THSD4: variants seen among roughly 807,000 people sequenced by gnomAD.
The protein encoded by THSD4 is thrombospondin type-1 domain-containing protein 4.
Under a neutral mutation model 119.0 loss-of-function variants are expected in THSD4, and 69 were observed. That is an observed-to-expected ratio of 0.58 (90% CI 0.48 to 0.71). THSD4 has a LOEUF of 0.71. Among genes scored for constraint, THSD4 ranks in the 30% least tolerant of loss-of-function variants. THSD4 has a pLI of 0.00. For missense variants in THSD4, 1,393 were observed against 1,391.1 expected (o/e 1.00, Z -0.02); for synonymous variants, 524 against 540.4 (o/e 0.97, Z 0.42).
chr15:71,446,362 A>G (rs961267626), intron 7 of THSD4, among the ~76,000 whole-genome samples: 3 of 152,222 alleles, frequency 2.0e-5, no homozygotes, highest in African/African-American at 7.2e-5. Flanking sequence ...TAAAATAGGA[A>G]TCAAAATGTG....
At chr15:71,124,615 G>T (rs1453918997) in intron 1 of THSD4, among the ~76,000 whole-genome samples, 1 of 152,126 alleles carries the variant, frequency 6.6e-6, no homozygotes, top group Admixed American at 6.5e-5. Flanking sequence ...AACATAGGCG[G>T]TTCCTTTAAT....
intron 2 of THSD4, among the ~76,000 whole-genome samples, chr15:71,146,525 A>G (rs1455559767): frequency 6.6e-6 from 1 of 151,902 alleles, no homozygotes; most frequent in Admixed American, 6.6e-5. Flanking sequence ...TGTAGAAACA[A>G]CTAACAAATG....
rs558244172 is a variant in THSD4, at chr15:71,639,538, G to A, written c.1153-20992G>A. Among the ~76,000 whole-genome samples the A allele has an allele frequency of 2.0e-5, 3 of 152,242 alleles. No individual in the cohort carries two copies. In the South Asian group the frequency reaches 6.2e-4, roughly 32 times the overall value. On this transcript the variant is annotated intron_variant, in intron 7 of 17. Transcript: ENST00000261862. Reference sequence around the variant, plus strand: ...GTCGTAAGAATTTTACTTAATTCAAGAATTATTCTCACTGAATATGTGCCA... The same window carrying A: ...GTCGTAAGAATTTTACTTAATTCAAAAATTATTCTCACTGAATATGTGCCA...
intron 1 of THSD4, among the ~76,000 whole-genome samples, chr15:71,126,084 G>A (rs1375371678): frequency 6.6e-6 from 1 of 152,210 alleles, no homozygotes; most frequent in Non-Finnish European, 1.5e-5. Flanking sequence ...TGGGCGTTGA[G>A]CCCCAGCTTT....
At chr15:71,529,867 GACGTAATAA>G (rs1371938145) in intron 7 of THSD4, among the ~76,000 whole-genome samples, 1 of 152,152 alleles carries the variant, frequency 6.6e-6, no homozygotes, top group East Asian at 1.9e-4. Context: ...CCTAATGCCT[GACGTAATAA>G]ATATTAAAAC....
At chr15:71,749,667 CT>C (rs889875730) in intron 14 of THSD4, among the ~76,000 whole-genome samples, 12 of 133,626 alleles carry the variant, frequency 9.0e-5, no homozygotes, top group African/African-American at 3.2e-4. Flanking sequence ...TATTTTCTTT[CT>C]TTTTTTTAAT....
intron 7 of THSD4, among the ~76,000 whole-genome samples, chr15:71,640,424 T>G (rs16955924): frequency 0.11 from 16,540 of 152,072 alleles, 986 homozygotes; most frequent in East Asian, 0.21. Flanking sequence ...GAGGGCCAAC[T>G]GTGGCAAATC....
chr15:71,634,976 G>GTTTGCCATTT (rs2050711766), intron 7 of THSD4, among the ~76,000 whole-genome samples: 2 of 152,298 alleles, frequency 1.3e-5, no homozygotes, highest in South Asian at 4.2e-4. Flanking sequence ...GTTTGCCATT[G>GTTTGCCATTT]TTTGCACACA....
chr15:71,613,841 T>C (rs1253219844), intron 7 of THSD4, among the ~76,000 whole-genome samples: 3 of 152,220 alleles, frequency 2.0e-5, no homozygotes, highest in Admixed American at 1.3e-4. Flanking sequence ...CCTCCTTTTA[T>C]GTGGGGTATA....
chr15:71,525,642 T>A (rs1181321850), intron 7 of THSD4, among the ~76,000 whole-genome samples: 2 of 152,270 alleles, frequency 1.3e-5, no homozygotes, highest in Admixed American at 1.3e-4. Context: ...AACTGACTTT[T>A]GTTATGGTCC....
chr15:71,375,428 C>T (rs974509465), intron 6 of THSD4, among the ~76,000 whole-genome samples: 59 of 152,336 alleles, frequency 3.9e-4, no homozygotes, highest in African/African-American at 1.3e-3. Context: ...CTATGCTTCT[C>T]CCCTCCCATC....
intron 1 of THSD4, among the ~76,000 whole-genome samples, chr15:71,105,584 TTAAGAA>T (rs1160458787): frequency 6.6e-6 from 1 of 152,228 alleles, no homozygotes; most frequent in Non-Finnish European, 1.5e-5. Context: ...AAGAGGCTCC[TTAAGAA>T]TAAGAAAGGA....
intron 7 of THSD4, among the ~76,000 whole-genome samples, chr15:71,483,316 T>C (rs2140672778): frequency 6.6e-6 from 1 of 152,320 alleles, no homozygotes; most frequent in East Asian, 1.9e-4. Flanking sequence ...TGTGAATATA[T>C]GTAAATGTGT....
At position 71,777,951 on chromosome 15, in the gene THSD4, TG is replaced by T. The variant is rs1167979754; in HGVS notation, c.*578del. On this transcript the variant is annotated 3_prime_UTR_variant, in exon 18 of 18. Coordinates refer to ENST00000261862, the MANE Select transcript of THSD4 (RefSeq NM_024817.3). Reference sequence around the variant, plus strand: ...TGAATATTGTGCTTTATTTAGCAGGTGTACTCACAGATACTAGCTCCTTAGC... The same window carrying T: ...TGAATATTGTGCTTTATTTAGCAGGTTACTCACAGATACTAGCTCCTTAGC... The T allele has an allele frequency of 1.3e-5, 2 of 154,432 alleles. No homozygotes were observed. Among genetic ancestry groups the T allele is most frequent in the African/African-American group, 2.4e-5 (1 of 41,474 alleles). 9.6% of individuals were successfully genotyped at this position (154,432 alleles called of 1,614,324 possible).
intron 7 of THSD4, among the ~76,000 whole-genome samples, chr15:71,570,107 C>T (rs2049320482): frequency 6.6e-6 from 1 of 152,164 alleles, no homozygotes; most frequent in Non-Finnish European, 1.5e-5. Context: ...GTCAATACCA[C>T]TTTTTATGAG....
At chr15:71,745,622 G>A (rs1458263225) in intron 12 of THSD4, among the ~76,000 whole-genome samples, 5 of 152,140 alleles carry the variant, frequency 3.3e-5, no homozygotes, top group Non-Finnish European at 7.4e-5. Context: ...AAAGTGTCTC[G>A]GGAGAGGTCT....
intron 3 of THSD4, among the ~76,000 whole-genome samples, chr15:71,213,719 CTT>C (rs2043906359): frequency 7.5e-6 from 1 of 132,694 alleles, no homozygotes; most frequent in Admixed American, 7.4e-5. Context: ...ATAGATCACT[CTT>C]TGGATAGAGC....
In THSD4 at chr15:71,369,524, C is replaced by T. The variant is rs541341049; in HGVS notation, c.1016-42163C>T. Among the ~76,000 whole-genome samples, 159 of 152,256 alleles carry T rather than the reference C, an allele frequency of 1.0e-3. 1 individual carries two copies. Among genetic ancestry groups the T allele is most frequent in the African/African-American group, 3.6e-3 (148 of 41,550 alleles). The stretch of plus-strand genomic sequence containing the variant: ...TGAATTTTGTCAAAGGCCTTTTCTG[C>T]ATCTATTGAGATAATCATGTGGTTT... On this transcript the variant is annotated intron_variant, in intron 6 of 17. Coordinates refer to ENST00000261862, the MANE Select transcript of THSD4 (RefSeq NM_024817.3).
At chr15:71,229,466 C>CT (rs2044043962) in intron 4 of THSD4, among the ~76,000 whole-genome samples, 1 of 152,174 alleles carries the variant, frequency 6.6e-6, no homozygotes, top group African/African-American at 2.4e-5. Flanking sequence ...ATACACACAT[C>CT]TTCCTATACT....
Sources: gnomAD v4.1 joint callset for allele counts (sites outside exome capture counted in the v4.1 genomes callset) on GRCh38, gnomAD v4.1.1 for gene constraint, MANE v1.5 for transcripts, NCBI Gene and HGNC (gene_info 2026-07-23, HGNC 2026-07-21) for gene names.